Variants in PTPRZ1 observed in about 807,000 individuals in gnomAD.
The protein encoded by PTPRZ1 is receptor-type tyrosine-protein phosphatase zeta.
A neutral mutation model predicts 214.1 loss-of-function variants in PTPRZ1; 82 were observed. That is an observed-to-expected ratio of 0.38 (90% CI 0.32 to 0.46). The LOEUF is 0.46. Among genes scored for constraint, PTPRZ1 ranks in the 20% least tolerant of loss-of-function variants. The pLI, the probability that PTPRZ1 is intolerant of heterozygous loss-of-function variation, is 1.00. For missense variants in PTPRZ1, 2,603 were observed against 2,748.7 expected, an observed-to-expected ratio of 0.95 and a Z score of 1.19; for synonymous variants, 945 against 987.9, an observed-to-expected ratio of 0.96 and a Z score of 0.81.
At chr7:121,977,039 A>C (rs996939085) in intron 6 of PTPRZ1, among the ~76,000 whole-genome samples, 188 bp downstream of exon 6, 7 of 152,176 alleles carry the variant, frequency 4.6e-5, no homozygotes, top group African/African-American at 1.7e-4. Flanking sequence ...TTTATCAGAA[A>C]ATTTTGTTAC....
intron 12 of PTPRZ1, among the ~76,000 whole-genome samples, chr7:122,014,351 C>T (rs1018947801): frequency 1.3e-5 from 2 of 152,020 alleles, no homozygotes; most frequent in African/African-American, 4.8e-5. Context: ...ATAAGCACTT[C>T]TCTCTGACAC....
chr7:121,934,877 A>AAC (rs2116398010), intron 2 of PTPRZ1, among the ~76,000 whole-genome samples: 1 of 152,338 alleles, frequency 6.6e-6, no homozygotes, highest in Admixed American at 6.5e-5. Flanking sequence ...GTGGAGGCTG[A>AAC]ACAGGGTTCA....
chr7:122,036,807 G>A, intron 18 of PTPRZ1, 125 bp downstream of exon 18: 1 of 633,664 alleles, frequency 1.6e-6, no homozygotes, highest in Non-Finnish European at 2.6e-6. Flanking sequence ...AATAAAAATG[G>A]TAAAGTAACA....
At chr7:122,042,124 T>C (rs1584770906) in intron 21 of PTPRZ1, among the ~76,000 whole-genome samples, 2 of 152,318 alleles carry the variant, frequency 1.3e-5, no homozygotes, top group East Asian at 3.9e-4. Flanking sequence ...GAAATGATAT[T>C]TTCAGCAGAA....
chr7:122,042,568 G>A, intron 21 of PTPRZ1, 40 bp from the exon 22 acceptor site: 1 of 1,543,668 alleles, frequency 6.5e-7, no homozygotes, highest in Non-Finnish European at 8.8e-7. Flanking sequence ...TTTATTTTAT[G>A]CTTAACATTG....
intron 17 of PTPRZ1, among the ~76,000 whole-genome samples, chr7:122,035,295 G>A (rs1799502189): frequency 2.0e-5 from 3 of 152,084 alleles, no homozygotes; most frequent in Admixed American, 2.0e-4. Flanking sequence ...TCTTTCCACA[G>A]AGTTTACACT....
intron 2 of PTPRZ1, among the ~76,000 whole-genome samples, chr7:121,939,012 C>T (rs1796168416): frequency 6.6e-6 from 1 of 152,078 alleles, no homozygotes; most frequent in Non-Finnish European, 1.5e-5. Flanking sequence ...TTTGACTATC[C>T]ATGTGTCTGA....
chr7:121,995,094 A>G (rs569128018), intron 8 of PTPRZ1, among the ~76,000 whole-genome samples: 7 of 152,278 alleles, frequency 4.6e-5, no homozygotes, highest in Non-Finnish European at 1.0e-4. Flanking sequence ...TGTGACTACT[A>G]AGTATTATAT....
chr7:121,981,785 T>TGC lies in PTPRZ1; in HGVS notation c.620-1879_620-1878insCG, dbSNP rs556750910. Among the ~76,000 whole-genome samples the TGC allele has an allele frequency of 1.3e-3, 198 of 152,250 alleles. 1 individual carries two copies. The highest frequency in any genetic ancestry group is 4.5e-3 in the African/African-American group (186 of 41,564). On this transcript the variant is annotated intron_variant, in intron 6 of 29. Transcript: ENST00000393386. ...CCATATTTATTGGTGTGTGTGTGTG[T>TGC]GTGTGTGTGTACACACACAAACACA...
intron 13 of PTPRZ1, among the ~76,000 whole-genome samples, chr7:122,026,897 G>A (rs181142052): frequency 1.3e-5 from 2 of 152,162 alleles, no homozygotes; most frequent in South Asian, 2.1e-4. Context: ...GAAATGCTTC[G>A]GGGTTACCTC....
At position 122,028,621 on chromosome 7, in the gene PTPRZ1, A is replaced by G. The variant is rs1220412204; in HGVS notation, c.5058A>G (p.Pro1686=). The change falls in exon 14 of 30, where the codon CCA becomes CCG. Residue 1686 remains proline, a synonymous_variant. Transcript: ENST00000393386. ...CCCCTAGAGTTATATCCACACCTCC[A>G]ACACCTATCTTTCCAATTTCAGGTA... ...STSPRVISTP[P]TPIFPISDDV... 1.9e-6 allele frequency: 3 copies of G among 1,538,790 alleles called. No individual in the cohort carries two copies. The African/African-American group carries it at 4.1e-5, about 21-fold the overall frequency.
intron 6 of PTPRZ1, among the ~76,000 whole-genome samples, chr7:121,983,050 C>T (rs1451666961): frequency 6.6e-6 from 1 of 152,210 alleles, no homozygotes; most frequent in Non-Finnish European, 1.5e-5. Flanking sequence ...AGGCGTGAGC[C>T]ACCACGCCCG....
intron 2 of PTPRZ1, among the ~76,000 whole-genome samples, chr7:121,930,430 A>G (rs1342882981): frequency 1.3e-5 from 2 of 152,104 alleles, no homozygotes; most frequent in East Asian, 1.9e-4. Flanking sequence ...AGCAAACTCT[A>G]TTTACTTGAG....
intron 1 of PTPRZ1, among the ~76,000 whole-genome samples, chr7:121,915,760 C>A (rs1420497455): frequency 6.6e-6 from 1 of 152,112 alleles, no homozygotes; most frequent in Admixed American, 6.5e-5. Context: ...GAAGTATAAA[C>A]TTCAGAAAGA....
Position 122,039,434 on chromosome 7 carries a change from A to G in PTPRZ1, c.5503-20A>G, listed in dbSNP as rs749196390. On this transcript the variant is annotated intron_variant, in intron 19 of 29. Coordinates refer to ENST00000393386, the MANE Select transcript of PTPRZ1 (RefSeq NM_002851.3). ...GGAGCATTTGAAATACAGAAGTAAC[A>G]TCTACATTTTCTTTTGCAGAGAAAA... 1.2e-6 allele frequency: 2 copies of G among 1,608,272 alleles called. No homozygotes were observed. Among genetic ancestry groups the G allele is most frequent in the Non-Finnish European group, 1.7e-6 (2 of 1,178,460 alleles).
intron 10 of PTPRZ1, among the ~76,000 whole-genome samples, chr7:122,003,945 T>A (rs184372649): frequency 6.6e-6 from 1 of 152,268 alleles, no homozygotes; most frequent in East Asian, 1.9e-4. Flanking sequence ...ATCAGATTCT[T>A]TAAGTAGACA....
At chr7:121,967,349 GT>G (rs1563041633) in intron 2 of PTPRZ1, among the ~76,000 whole-genome samples, 2 of 152,150 alleles carry the variant, frequency 1.3e-5, no homozygotes, top group Non-Finnish European at 2.9e-5. Context: ...TGATGATTAT[GT>G]TTTTGTAAAT....
At chr7:121,883,807 G>A (rs796813387) in intron 1 of PTPRZ1, among the ~76,000 whole-genome samples, 16 of 152,100 alleles carry the variant, frequency 1.1e-4, no homozygotes, top group Admixed American at 3.3e-4. Flanking sequence ...TGTATTTTTA[G>A]TAGAGATGGG....
intron 9 of PTPRZ1, among the ~76,000 whole-genome samples, chr7:121,997,657 T>G (rs1254795542): frequency 1.3e-5 from 2 of 149,416 alleles, no homozygotes; most frequent in East Asian, 2.0e-4. Context: ...TAAATCTGAT[T>G]TTTAAAAAGC....
Sources: gnomAD v4.1 joint callset for allele counts (sites outside exome capture counted in the v4.1 genomes callset) on GRCh38, gnomAD v4.1.1 for gene constraint, MANE v1.5 for transcripts, NCBI Gene and HGNC (gene_info 2026-07-23, HGNC 2026-07-21) for gene names.